Variants in FBRSL1 observed in about 807,000 individuals in gnomAD.
The protein encoded by FBRSL1 is fibrosin-1-like protein.
In FBRSL1, 51 loss-of-function variants were observed where a neutral mutation model predicts 89.6. The observed-to-expected ratio is 0.57, with a 90% CI of 0.45 to 0.72. The LOEUF (loss-of-function observed/expected upper bound fraction) is 0.72. Ranked by LOEUF, FBRSL1 falls within the 30% of genes least tolerant of loss-of-function variation. FBRSL1 has a pLI of 0.00. For missense variants in FBRSL1, 1,618 were observed against 1,451.8 expected (o/e 1.11, Z -1.86); for synonymous variants, 779 against 681.1 (o/e 1.14, Z -2.24).
intron 2 of FBRSL1, chr12:132,509,753 T>C (rs977279745): frequency 6.5e-6 from 8 of 1,230,838 alleles, no homozygotes; most frequent in Non-Finnish European, 8.1e-6. Context: ...CGTGTCACTG[T>C]GGCCAGCCCG....
Position 132,508,244 on chromosome 12 carries a change from C to A in FBRSL1, c.383C>A (p.Ala128Glu). 4 of 1,550,892 alleles carry A rather than the reference C, an allele frequency of 2.6e-6. No homozygotes were observed. Among genetic ancestry groups the A allele is most frequent in the Non-Finnish European group, 3.5e-6 (4 of 1,146,900 alleles). ...KPRESETCPP[A>E]EPSENRRPLE... is the part of the protein sequence containing the mutation. The stretch of plus-strand genomic sequence containing the variant: ...CGGGAGTCGGAAACCTGCCCCCCTG[C>A]GGAGCCCAGTGAGAACAGGCGGCCC... The change falls in exon 2 of 19, where the codon GCG becomes GAG. Residue 128 changes from alanine (A) to glutamate (E), a missense_variant. Transcript: ENST00000680143.
At chr12:132,496,956 G>A (rs1414058366) in intron 1 of FBRSL1, among the ~76,000 whole-genome samples, 2 of 152,210 alleles carry the variant, frequency 1.3e-5, no homozygotes, top group Non-Finnish European at 2.9e-5. Flanking sequence ...GCGGTGTCCT[G>A]TGTTGCTGTC....
rs1192402206 is a variant in FBRSL1, at chr12:132,583,074, C to T, written c.2305C>T (p.Arg769Trp). The change falls in exon 19 of 19, where the codon CGG becomes TGG. Residue 769 changes from arginine to tryptophan, a missense_variant. By Grantham distance (101) the Arg-to-Trp change is moderately radical. Coordinates refer to ENST00000680143, the MANE Select transcript of FBRSL1 (RefSeq NM_001367871.1). ...GCTCCGGGCCCAGAGCGAGCTGGGC[C>T]GGTCCGGGGCCCCCGCGGAGCGCGA... ...LLLRAQSELG[R>W]SGAPAEREAE... 8.3e-6 allele frequency: 12 copies of T among 1,443,512 alleles called. No homozygotes were observed. In the African/African-American group the frequency reaches 1.0e-4, roughly 13 times the overall value. The allele number at this position is 1,443,512 out of a possible 1,614,324, so 89.4% of individuals were successfully genotyped here. A position where few individuals can be genotyped will look rare whatever the true frequency, so the allele number is the denominator to read the frequency against.
At chr12:132,508,371 C>T (rs1210538457) in intron 2 of FBRSL1, 21 bp downstream of exon 2, 1 of 1,317,474 alleles carries the variant, frequency 7.6e-7, no homozygotes. Context: ...CCCTCCCCGA[C>T]CGGAAGCTCT....
rs1481292843 is a variant in FBRSL1 at position 132,583,785 on chromosome 12, G to C, written c.*7G>C. The C allele has an allele frequency of 9.1e-6, 11 of 1,211,970 alleles. No homozygotes were observed. In the Admixed American group the frequency reaches 2.2e-4, roughly 24 times the overall value. The allele number at this position is 1,211,970 out of a possible 1,614,324, so 75.1% of individuals were successfully genotyped here. A position where few individuals can be genotyped will look rare whatever the true frequency, so the allele number is the denominator to read the frequency against. On this transcript the variant is annotated 3_prime_UTR_variant, in exon 19 of 19. Transcript: ENST00000680143. ...GGAGGTGGAGGCGCGGTAGCCCCGG[G>C]GCCGCAGACGCCTCTCCGAGCGGAG... is the stretch of plus-strand genomic sequence containing the variant.
chr12:132,549,706 C>T (rs1454449053), intron 5 of FBRSL1, among the ~76,000 whole-genome samples: 1 of 152,188 alleles, frequency 6.6e-6, no homozygotes, highest in Non-Finnish European at 1.5e-5. Flanking sequence ...CACGTGGAGT[C>T]GGCGATGCCG....
chr12:132,509,105 A>G, intron 2 of FBRSL1: 2 of 1,188,302 alleles, frequency 1.7e-6, no homozygotes, highest in Non-Finnish European at 2.1e-6. Context: ...CCCGGGCTGG[A>G]CGGGGGTTCC....
chr12:132,510,126 A>C (rs1479647920), intron 2 of FBRSL1: 1 of 1,222,052 alleles, frequency 8.2e-7, no homozygotes, highest in Non-Finnish European at 1.0e-6. Flanking sequence ...CTGCCCACCC[A>C]AGCGGCCGCT....
rs539200873 is a variant in FBRSL1, at chr12:132,515,452, T to A, written c.489+7102T>A. On this transcript the variant is annotated intron_variant, in intron 2 of 18. Transcript: ENST00000680143. The stretch of plus-strand genomic sequence containing the variant: ...AATTTATGGGATGCAGCTAAAGCAA[T>A]CCTTAAAGGAAAACTAGCTTGTGCT... Among the ~76,000 whole-genome samples, 13 of 150,046 alleles carry A rather than the reference T, an allele frequency of 8.7e-5. 3 individuals carry two copies. The highest frequency in any genetic ancestry group is 3.2e-4 in the African/African-American group (13 of 40,634).
At position 132,578,380 on chromosome 12, in the gene FBRSL1, A is replaced by G. The variant is rs554666894; in HGVS notation, c.1834+1449A>G. On this transcript the variant is annotated intron_variant, in intron 15 of 18. Transcript: ENST00000680143. ...ACACACACACACAAAATCATAGAGA[A>G]AAGATATTTGCCATTCGCTGTGTGG... 2.2e-3 allele frequency among the ~76,000 whole-genome samples: 92 copies of G among 42,176 alleles called. 1 individual carries two copies. In the South Asian group the frequency reaches 0.027, roughly 13 times the overall value. 27.7% of individuals were successfully genotyped at this position (42,176 alleles called of 152,430 possible). A position where few individuals can be genotyped will look rare whatever the true frequency, so the allele number is the denominator to read the frequency against.
At chr12:132,544,472 C>T (rs1284822572) in intron 4 of FBRSL1, among the ~76,000 whole-genome samples, 3 of 152,164 alleles carry the variant, frequency 2.0e-5, no homozygotes, top group Non-Finnish European at 4.4e-5. Context: ...TCTAAAACTC[C>T]CAGACCAGGA....
At chr12:132,521,309 C>T (rs928628273) in intron 2 of FBRSL1, among the ~76,000 whole-genome samples, 4 of 152,196 alleles carry the variant, frequency 2.6e-5, no homozygotes, top group East Asian at 1.9e-4. Context: ...ACACGGATGG[C>T]GGCAGCTCCG....
At chr12:132,533,695 C>T (rs1184389871) in intron 4 of FBRSL1, among the ~76,000 whole-genome samples, 1 of 152,272 alleles carries the variant, frequency 6.6e-6, no homozygotes, top group Non-Finnish European at 1.5e-5. Flanking sequence ...GTCCATGCCA[C>T]AGTGATCATG....
rs1226357870 is a variant in FBRSL1, at chr12:132,499,027, T to C, written c.291+8166T>C. Among the ~76,000 whole-genome samples, 1 of 152,170 alleles carries C rather than the reference T, an allele frequency of 6.6e-6. No homozygotes were observed. Among genetic ancestry groups the C allele is most frequent in the Non-Finnish European group, 1.5e-5 (1 of 68,018 alleles). On this transcript the variant is annotated intron_variant, in intron 1 of 18. Coordinates refer to ENST00000680143, the MANE Select transcript of FBRSL1 (RefSeq NM_001367871.1). The surrounding 1 kb of genome is among the most constrained non-coding windows in gnomAD (Gnocchi z 4.3). ...TTCTGCCTGTGTATGTGACCAAGGG[T>C]ACCTGCCACCTCTGCTGTCCCCTGG... is the stretch of plus-strand genomic sequence containing the variant.
At chr12:132,582,377 C>T (rs1428800794) in intron 18 of FBRSL1, 111 bp downstream of exon 18, 14 of 851,320 alleles carry the variant, frequency 1.6e-5, no homozygotes, top group Non-Finnish European at 2.6e-5. Context: ...CCCGTTTCCT[C>T]TCCCTCACCG....
rs760561237 is a variant in FBRSL1 at position 132,582,962 on chromosome 12, C to G, written c.2202-9C>G. ...CTCGGGAGTGACGGGTCCGCCCTGC[C>G]GCCCCCAGGGACCTCCTGGAGAAGA... is the stretch of plus-strand genomic sequence containing the variant. On this transcript the variant is annotated splice_polypyrimidine_tract_variant and intron_variant, in intron 18 of 18. Transcript: ENST00000680143. The G allele has an allele frequency of 1.6e-5, 23 of 1,405,728 alleles. No homozygotes were observed. In the South Asian group the frequency reaches 2.1e-4, roughly 13 times the overall value. 87.1% of individuals were successfully genotyped at this position (1,405,728 alleles called of 1,614,324 possible). A position where few individuals can be genotyped will look rare whatever the true frequency, so the allele number is the denominator to read the frequency against.
At chr12:132,516,192 C>CTT (rs1253503503) in intron 2 of FBRSL1, among the ~76,000 whole-genome samples, 1 of 140,344 alleles carries the variant, frequency 7.1e-6, no homozygotes, top group African/African-American at 2.6e-5. Context: ...TCCGAATAGT[C>CTT]TTTTTTTTTT....
At chr12:132,578,951 T>C (rs1298432491) in intron 15 of FBRSL1, among the ~76,000 whole-genome samples, 1 of 152,262 alleles carries the variant, frequency 6.6e-6, no homozygotes, top group Non-Finnish European at 1.5e-5. Context: ...AGTTTCTGGC[T>C]GTCCGCATCC....
chr12:132,509,501 C>T (rs2034077273), intron 2 of FBRSL1: 3 of 1,237,640 alleles, frequency 2.4e-6, no homozygotes, highest in Admixed American at 8.4e-5. Context: ...CGGCCCAGCC[C>T]TGCCGGCCGC....
Sources: gnomAD v4.1 joint callset for allele counts (sites outside exome capture counted in the v4.1 genomes callset) on GRCh38, gnomAD v4.1.1 for gene constraint, Gnocchi (gnomAD v3.1) non-coding constraint, MANE v1.5 for transcripts, NCBI Gene and HGNC (gene_info 2026-07-23, HGNC 2026-07-21) for gene names.